PLXNA4: variants seen among roughly 807,000 people sequenced by gnomAD.
The protein encoded by PLXNA4 is plexin-A4.
Under a neutral mutation model 191.8 loss-of-function variants are expected in PLXNA4, and 44 were observed. The ratio of observed to expected loss-of-function variants is 0.23; its 90% CI spans 0.18 to 0.29. PLXNA4 has a LOEUF of 0.29. PLXNA4 is among the 10% of genes least tolerant of loss of function. PLXNA4 has a pLI of 1.00. For missense variants in PLXNA4, 1,800 were observed against 2,488.8 expected, an observed-to-expected ratio of 0.72 and a Z score of 5.89; for synonymous variants, 1,082 against 1,009.5, an observed-to-expected ratio of 1.07 and a Z score of -1.36.
In PLXNA4 at chr7:132,606,072, G is replaced by A. The variant is rs551119242; in HGVS notation, c.-87+39856C>T. On this transcript the variant is annotated intron_variant, in intron 2 of 4. Coordinates refer to the PLXNA4 transcript ENST00000378539. Reference sequence around the variant, plus strand: ...TCAGCTACAAGGGAGGCTGAGGCACGAGAATCGCTTGAACCTGGGAGGCGG... The same window carrying A: ...TCAGCTACAAGGGAGGCTGAGGCACAAGAATCGCTTGAACCTGGGAGGCGG... Among the ~76,000 whole-genome samples the A allele has an allele frequency of 2.6e-3, 396 of 152,314 alleles. 4 individuals carry two copies. Among genetic ancestry groups the A allele is most frequent in the African/African-American group, 9.1e-3 (379 of 41,574 alleles).
At chr7:132,190,826 G>A (rs1302318964) in intron 14 of PLXNA4, among the ~76,000 whole-genome samples, 1 of 152,196 alleles carries the variant, frequency 6.6e-6, no homozygotes, top group Non-Finnish European at 1.5e-5. Context: ...GGCAGGCCAA[G>A]GCAAGTGGCT....
At chr7:132,346,426 C>T (rs1803248887) in intron 3 of PLXNA4, among the ~76,000 whole-genome samples, 1 of 152,176 alleles carries the variant, frequency 6.6e-6, no homozygotes, top group South Asian at 2.1e-4. Flanking sequence ...AAAAATAAAA[C>T]CCAGGTTTAG....
chr7:132,508,370 C>T lies in PLXNA4; in HGVS notation c.324G>A (p.Leu108=), dbSNP rs751665051. Reference sequence around the variant, plus strand: ...TCTTGTTGACATTGTTGGTGGTGGTCAGGGGCTCATTGCAGGTCTGGACGA... The same window carrying T: ...TCTTGTTGACATTGTTGGTGGTGGTTAGGGGCTCATTGCAGGTCTGGACGA... ...PRIVQTCNEP[L]TTTNNVNKML... The change falls in exon 2 of 32, where the codon CTG becomes CTA. Residue 108 remains leucine, a synonymous_variant. Coordinates refer to ENST00000321063, the MANE Select transcript of PLXNA4 (RefSeq NM_020911.2). The surrounding 1 kb of genome is among the most constrained non-coding windows in gnomAD (Gnocchi z 4.4). 12 of 1,614,164 alleles carry T rather than the reference C, an allele frequency of 7.4e-6. No individual in the cohort carries two copies. Among genetic ancestry groups the T allele is most frequent in the Non-Finnish European group, 1.0e-5 (12 of 1,180,048 alleles).
chr7:132,179,921 C>T lies in PLXNA4; in HGVS notation c.3640G>A (p.Ala1214Thr). 6.2e-7 allele frequency: 1 copy of T among 1,603,716 alleles called. No homozygotes were observed. The highest frequency in any genetic ancestry group is 8.5e-7 in the Non-Finnish European group (1 of 1,174,222). The change falls in exon 20 of 32, where the codon GCC (alanine) becomes ACC (threonine). Residue 1214 changes from alanine (A) to threonine (T), a missense_variant and splice_region_variant. By Grantham distance (58) the Ala-to-Thr change is moderately conservative (BLOSUM62 0). Coordinates refer to ENST00000321063, the MANE Select transcript of PLXNA4 (RefSeq NM_020911.2). ...GAGTACTCCATGCCACCGACACGGGCCTGGGGGCACACAGGGCAAGAGGGA... is the reference window on the plus strand; with the variant it reads ...GAGTACTCCATGCCACCGACACGGGTCTGGGGGCACACAGGGCAAGAGGGA... The part of the protein sequence containing the change: ...PNLIGRHKVM[A>T]RVGGMEYSPG...
intron 3 of PLXNA4, chr7:132,352,226 C>T (rs918374383): frequency 3.3e-5 from 5 of 152,232 alleles, no homozygotes; most frequent in African/African-American, 4.8e-5. Flanking sequence ...AGCTTTTTTC[C>T]TCCTCCTCCT....
At chr7:132,397,104 C>T (rs976753498) in intron 3 of PLXNA4, among the ~76,000 whole-genome samples, 1 of 152,234 alleles carries the variant, frequency 6.6e-6, no homozygotes, top group African/African-American at 2.4e-5. Flanking sequence ...GGCTAAAAGC[C>T]TTCTCCGCAT....
intron 14 of PLXNA4, among the ~76,000 whole-genome samples, chr7:132,193,219 T>C (rs934329343): frequency 6.6e-6 from 1 of 151,972 alleles, no homozygotes; most frequent in African/African-American, 2.4e-5. Context: ...TATCAAAGAG[T>C]GGGTTTGTTA....
chr7:132,573,152 G>A (rs887128792), intron 1 of PLXNA4, among the ~76,000 whole-genome samples: 3 of 152,070 alleles, frequency 2.0e-5, no homozygotes, highest in African/African-American at 7.2e-5. Flanking sequence ...CTACTCAATA[G>A]CCCAGGGTCT....
intron 3 of PLXNA4, among the ~76,000 whole-genome samples, chr7:132,389,451 G>A (rs1805304277): frequency 1.3e-5 from 2 of 152,180 alleles, no homozygotes; most frequent in African/African-American, 4.8e-5. Flanking sequence ...TGTATAAGGT[G>A]TAAGGAAGGG....
At chr7:132,632,193 A>C (rs1237335517) in intron 2 of PLXNA4, among the ~76,000 whole-genome samples, 2 of 143,388 alleles carry the variant, frequency 1.4e-5, no homozygotes, top group African/African-American at 5.3e-5. Flanking sequence ...CTGAGATTGT[A>C]CCACTGCACT....
intron 3 of PLXNA4, among the ~76,000 whole-genome samples, chr7:132,401,550 A>G (rs1353742314): frequency 6.6e-6 from 1 of 152,240 alleles, no homozygotes; most frequent in African/African-American, 2.4e-5. Flanking sequence ...ACTGCTGAAC[A>G]GACGCATAAG....
chr7:132,278,684 A>T (rs1053630162), intron 4 of PLXNA4, among the ~76,000 whole-genome samples: 2 of 152,202 alleles, frequency 1.3e-5, no homozygotes, highest in African/African-American at 4.8e-5. Flanking sequence ...TCTGCTGGCC[A>T]CTATCAAGGG....
intron 2 of PLXNA4, among the ~76,000 whole-genome samples, chr7:132,635,901 T>C (rs1803595271): frequency 6.6e-6 from 1 of 152,076 alleles, no homozygotes; most frequent in Admixed American, 6.5e-5. Flanking sequence ...AATAGGTAAA[T>C]GAATGGCATG....
At chr7:132,512,953 T>A (rs945220417) in intron 1 of PLXNA4, among the ~76,000 whole-genome samples, 3 of 152,222 alleles carry the variant, frequency 2.0e-5, no homozygotes, top group African/African-American at 7.2e-5. Flanking sequence ...TGGGACCAAA[T>A]AACCTTCACG....
intron 9 of PLXNA4, among the ~76,000 whole-genome samples, chr7:132,211,692 C>T (rs2341819): frequency 0.25 from 38,594 of 152,146 alleles, 6,385 homozygotes; most frequent in East Asian, 0.59. Context: ...GAATGGGCCC[C>T]AGAGGCCTCA....
intron 3 of PLXNA4, among the ~76,000 whole-genome samples, chr7:132,341,036 C>A (rs979161517): frequency 9.2e-5 from 14 of 152,128 alleles, no homozygotes; most frequent in African/African-American, 2.9e-4. Flanking sequence ...ACAGACAGAA[C>A]CAGTCTTGGA....
intron 10 of PLXNA4, 126 bp from the exon 11 acceptor site, chr7:132,203,545 T>C: frequency 1.3e-6 from 1 of 771,288 alleles, no homozygotes; most frequent in Non-Finnish European, 2.2e-6. Flanking sequence ...ACTGTGCTTG[T>C]GTGCATGTGT....
intron 3 of PLXNA4, among the ~76,000 whole-genome samples, chr7:132,357,708 C>A (rs557714578): frequency 1.3e-4 from 20 of 152,152 alleles, no homozygotes; most frequent in South Asian, 6.2e-4. Context: ...AGCCACTCAG[C>A]CTTCTCTTTG....
intron 3 of PLXNA4, among the ~76,000 whole-genome samples, chr7:132,379,093 C>T (rs62466422): frequency 0.08 from 12,184 of 152,120 alleles, 514 homozygotes; most frequent in African/African-American, 0.091. Flanking sequence ...TCAGATGATC[C>T]GTCCACCTCA....
Sources: allele counts gnomAD v4.1 joint callset (sites outside exome capture counted in the v4.1 genomes callset), GRCh38; gene constraint gnomAD v4.1.1; non-coding constraint Gnocchi (gnomAD v3.1); transcripts MANE v1.5; gene names NCBI Gene and HGNC (gene_info 2026-07-23, HGNC 2026-07-21).